The following C1orf105 variants were observed in gnomAD, a reference collection of about 807,000 sequenced individuals.
C1orf105 encodes uncharacterized protein C1orf105.
C1orf105 carries 17 observed loss-of-function variants against 20.8 expected under a neutral mutation model. The ratio of observed to expected loss-of-function variants is 0.82; its 90% CI spans 0.56 to 1.23. C1orf105 has a LOEUF of 1.23. C1orf105 is among the 50% of genes most tolerant of loss of function. C1orf105 has a pLI of 0.00. For missense variants in C1orf105, 219 were observed against 213.5 expected (o/e 1.03, Z -0.16); for synonymous variants, 72 against 72.1 (o/e 1.00, Z 0.01).
At position 172,448,568 on chromosome 1, in the gene C1orf105, A is replaced by C. The variant is rs1398875382; in HGVS notation, c.198+37A>C. ...TTTTTGTTGAAATGAAACCAACAGC[A>C]GTTCTAGAATGACATAGAATATGAA... is the stretch of plus-strand genomic sequence containing the variant. On this transcript the variant is annotated intron_variant, in intron 3 of 6. Transcript: ENST00000367727. 2.5e-6 allele frequency: 3 copies of C among 1,217,544 alleles called. 1 individual carries two copies. In the South Asian group the frequency reaches 3.6e-5, roughly 15 times the overall value. 75.4% of individuals were successfully genotyped at this position (1,217,544 alleles called of 1,614,324 possible).
Position 172,462,206 on chromosome 1 carries a change from A to C in C1orf105, c.302A>C (p.Asp101Ala). ...CAACCAAGAACAATGAAAATCCCAG[A>C]TGATCCAAAAGCATCCTTTGAGAAT... The part of the protein sequence containing the change: ...MVQPRTMKIP[D>A]DPKASFENCM... The change falls in exon 5 of 7, where the codon GAT becomes GCT. Residue 101 changes from aspartate to alanine, a missense_variant. Transcript: ENST00000367727. The C allele has an allele frequency of 6.2e-7, 1 of 1,610,524 alleles. No homozygotes were observed. The highest frequency in any genetic ancestry group is 1.3e-5 in the African/African-American group (1 of 74,934).
intron 1 of C1orf105, chr1:172,431,384 C>T: frequency 3.5e-6 from 1 of 283,720 alleles, no homozygotes; most frequent in East Asian, 5.7e-5. Flanking sequence ...CACAACATTC[C>T]CTTTAGGCCA....
chr1:172,434,665 C>G (rs2071979393), intron 1 of C1orf105, among the ~76,000 whole-genome samples: 1 of 152,082 alleles, frequency 6.6e-6, no homozygotes, highest in South Asian at 2.1e-4. Context: ...GATCTAAAAT[C>G]AACACTCTAA....
chr1:172,436,940 C>T (rs1396810262), intron 1 of C1orf105, among the ~76,000 whole-genome samples: 2 of 152,210 alleles, frequency 1.3e-5, no homozygotes, highest in East Asian at 3.9e-4. Flanking sequence ...TATGAACAGA[C>T]ACTTCTCAGA....
At chr1:172,431,031 C>T (rs1287751496) in intron 1 of C1orf105, 2 of 628,514 alleles carry the variant, frequency 3.2e-6, no homozygotes, top group East Asian at 2.8e-5. Context: ...CAGCTCTTCC[C>T]TGTCTTTCTT....
chr1:172,442,304 C>T, intron 1 of C1orf105: 1 of 1,613,572 alleles, frequency 6.2e-7, no homozygotes, highest in Non-Finnish European at 8.5e-7. Flanking sequence ...TTCCGCCCTT[C>T]ACCTCCATCA....
chr1:172,423,901 G>C (rs949861567), intron 1 of C1orf105, among the ~76,000 whole-genome samples: 1 of 151,976 alleles, frequency 6.6e-6, no homozygotes, highest in East Asian at 1.9e-4. Context: ...TTGAAGCCAG[G>C]CTGTTTGAAA....
At chr1:172,452,663 G>T in intron 3 of C1orf105, 1 of 500,048 alleles carries the variant, frequency 2.0e-6, no homozygotes, top group Non-Finnish European at 2.6e-6. Flanking sequence ...AGCAGATATT[G>T]TCCTAGGGTA....
At position 172,468,652 on chromosome 1, in the gene C1orf105, A is replaced by G. The variant is rs941080882; in HGVS notation, c.*58A>G. On this transcript the variant is annotated 3_prime_UTR_variant, in exon 7 of 7. Transcript: ENST00000367727. Reference sequence around the variant, plus strand: ...GAGAGAAAATAACCTCGCCAAGCCAATCTTTGACACTGGCACCTTCTCCTC... The same window carrying G: ...GAGAGAAAATAACCTCGCCAAGCCAGTCTTTGACACTGGCACCTTCTCCTC... 15 of 1,533,148 alleles carry G rather than the reference A, an allele frequency of 9.8e-6. No individual in the cohort carries two copies. Among genetic ancestry groups the G allele is most frequent in the African/African-American group, 5.5e-5 (4 of 72,756 alleles). 95.0% of individuals were successfully genotyped at this position (1,533,148 alleles called of 1,614,324 possible). A position where few individuals can be genotyped will look rare whatever the true frequency, so the allele number is the denominator to read the frequency against.
intron 1 of C1orf105, among the ~76,000 whole-genome samples, chr1:172,423,411 GC>G (rs1161528238): frequency 1.3e-5 from 2 of 152,204 alleles, no homozygotes; most frequent in African/African-American, 2.4e-5. Flanking sequence ...GTCTGCAAGA[GC>G]CACAGCGTTA....
chr1:172,436,642 G>A (rs2072048703), intron 1 of C1orf105, among the ~76,000 whole-genome samples: 1 of 152,170 alleles, frequency 6.6e-6, no homozygotes, highest in South Asian at 2.1e-4. Flanking sequence ...AAAAACCCTA[G>A]AAGAAAGCTA....
At chr1:172,425,257 A>G (rs915319010) in intron 1 of C1orf105, among the ~76,000 whole-genome samples, 26 of 152,328 alleles carry the variant, frequency 1.7e-4, no homozygotes, top group Admixed American at 1.3e-3. Flanking sequence ...AGCACCAAAT[A>G]GTGTTGCCAG....
chr1:172,453,431 T>C (rs1473825530), intron 3 of C1orf105, among the ~76,000 whole-genome samples: 3 of 152,238 alleles, frequency 2.0e-5, no homozygotes, highest in African/African-American at 7.2e-5. Flanking sequence ...TAGAATGAAT[T>C]TGTTGTACTA....
intron 3 of C1orf105, among the ~76,000 whole-genome samples, chr1:172,451,616 C>T (rs1648643600): frequency 6.6e-6 from 1 of 151,940 alleles, no homozygotes; most frequent in Non-Finnish European, 1.5e-5. Flanking sequence ...ATATTAAATG[C>T]TATTGACCTA....
chr1:172,453,905 T>A (rs148688867), intron 3 of C1orf105, among the ~76,000 whole-genome samples: 18 of 152,310 alleles, frequency 1.2e-4, no homozygotes, highest in Non-Finnish European at 2.5e-4. Flanking sequence ...GGTGGGACAA[T>A]ATATAAGCAT....
At chr1:172,432,420 G>C (rs2071900899) in intron 1 of C1orf105, among the ~76,000 whole-genome samples, 1 of 152,206 alleles carries the variant, frequency 6.6e-6, no homozygotes, top group African/African-American at 2.4e-5. Context: ...AATGTTTGCT[G>C]TTCTGCAATA....
intron 1 of C1orf105, chr1:172,441,824 A>C: frequency 6.2e-7 from 1 of 1,613,916 alleles, no homozygotes; most frequent in Non-Finnish European, 8.5e-7. Flanking sequence ...ATGAGGTAGA[A>C]TGGACACAGA....
intron 4 of C1orf105, 97 bp downstream of exon 4, chr1:172,456,586 C>A: frequency 8.3e-7 from 1 of 1,204,150 alleles, no homozygotes; most frequent in Non-Finnish European, 1.2e-6. Flanking sequence ...TGACGGGGCC[C>A]GTTGCAAGGA....
At position 172,468,639 on chromosome 1, in the gene C1orf105, C is replaced by A. The variant is rs771767085; in HGVS notation, c.*45C>A. The A allele has an allele frequency of 5.8e-6, 9 of 1,563,728 alleles. No homozygotes were observed. In the South Asian group the frequency reaches 8.2e-5, roughly 14 times the overall value. On this transcript the variant is annotated 3_prime_UTR_variant, in exon 7 of 7. Coordinates refer to ENST00000367727, the MANE Select transcript of C1orf105 (RefSeq NM_139240.4). ...TCCCAGACTCCCAGAGAGAAAATAA[C>A]CTCGCCAAGCCAATCTTTGACACTG...
Sources: allele counts gnomAD v4.1 joint callset (sites outside exome capture counted in the v4.1 genomes callset), GRCh38; gene constraint gnomAD v4.1.1; transcripts MANE v1.5; gene names NCBI Gene and HGNC (gene_info 2026-07-23, HGNC 2026-07-21).